The following PPP2R2C variants were observed in gnomAD, a reference collection of about 807,000 sequenced individuals.
PPP2R2C encodes the protein protein phosphatase 2, regulatory subunit B, gamma.
PPP2R2C carries 10 observed loss-of-function variants against 45.3 expected under a neutral mutation model. That is an observed-to-expected ratio of 0.22 (90% CI 0.14 to 0.37). PPP2R2C has a LOEUF of 0.37. Among genes scored for constraint, PPP2R2C ranks in the 10% least tolerant of loss-of-function variants. The pLI, the probability that PPP2R2C is intolerant of heterozygous loss-of-function variation, is 1.00. For synonymous variants in PPP2R2C, 257 were observed against 245.4 expected (o/e 1.05, Z -0.44); for missense variants, 308 against 619.7 (o/e 0.50, Z 5.34).
chr4:6,341,872 G>A (rs1048106391), intron 6 of PPP2R2C, among the ~76,000 whole-genome samples: 3 of 152,030 alleles, frequency 2.0e-5, no homozygotes, highest in East Asian at 1.9e-4. Flanking sequence ...GCCAGCTGAC[G>A]CCTTCATTTT....
intron 8 of PPP2R2C, 56 bp from the exon 9 acceptor site, chr4:6,323,649 A>C: frequency 1.4e-6 from 2 of 1,447,032 alleles, no homozygotes; most frequent in South Asian, 1.5e-5. Context: ...CTTCTCGAGA[A>C]ATAAGCCCAG....
chr4:6,474,755 G>A (rs1722079355), upstream of PPP2R2C, among the ~76,000 whole-genome samples: 2 of 109,902 alleles, frequency 1.8e-5, no homozygotes, highest in East Asian at 2.9e-4. Context: ...ACCACAAGCA[G>A]TGTCTGGGCT....
chr4:6,558,550 A>C (rs966886960), intron 1 of PPP2R2C, among the ~76,000 whole-genome samples: 4 of 152,128 alleles, frequency 2.6e-5, no homozygotes, highest in African/African-American at 9.7e-5. Flanking sequence ...TGAACTTCCC[A>C]ATACTCAGCC....
intron 1 of PPP2R2C, among the ~76,000 whole-genome samples, chr4:6,403,724 G>C (rs559902043): frequency 8.5e-5 from 13 of 152,124 alleles, no homozygotes; most frequent in Non-Finnish European, 1.9e-4. Context: ...TTAGCTGGGC[G>C]TGGTGGTGGG....
chr4:6,405,570 T>A (rs1321203409), intron 1 of PPP2R2C, among the ~76,000 whole-genome samples: 3 of 152,238 alleles, frequency 2.0e-5, no homozygotes, highest in Non-Finnish European at 2.9e-5. Context: ...AGCACTTTCA[T>A]TACTCTTTAT....
chr4:6,430,109 A>G (rs1719536794), intron 1 of PPP2R2C, among the ~76,000 whole-genome samples: 1 of 152,178 alleles, frequency 6.6e-6, no homozygotes. Flanking sequence ...TCCATTTAAG[A>G]AGTGGGCACA....
At chr4:6,498,115 C>T (rs1270653682) in intron 2 of PPP2R2C, among the ~76,000 whole-genome samples, 1 of 152,168 alleles carries the variant, frequency 6.6e-6, no homozygotes, top group Non-Finnish European at 1.5e-5. Context: ...TTGGGAGACA[C>T]GATCGTGCAA....
intron 5 of PPP2R2C, chr4:6,348,920 C>G: frequency 1.2e-6 from 1 of 847,612 alleles, no homozygotes; most frequent in Non-Finnish European, 1.4e-6. Context: ...AAGGCAGTAT[C>G]CCTGACTGTT....
At chr4:6,354,655 C>A (rs1195326324) in intron 5 of PPP2R2C, among the ~76,000 whole-genome samples, 1 of 149,686 alleles carries the variant, frequency 6.7e-6, no homozygotes, top group Non-Finnish European at 1.5e-5. Flanking sequence ...TGCCCCCCAC[C>A]CCCACCCCAA....
intron 1 of PPP2R2C, among the ~76,000 whole-genome samples, chr4:6,390,562 G>C (rs978644132): frequency 1.3e-5 from 2 of 152,246 alleles, no homozygotes; most frequent in Non-Finnish European, 2.9e-5. Flanking sequence ...GCGCATGGGA[G>C]GGGAAGCGCC....
chr4:6,421,047 C>G (rs935297470), intron 1 of PPP2R2C: 1 of 985,038 alleles, frequency 1.0e-6, no homozygotes, highest in African/African-American at 1.7e-5. Flanking sequence ...TTGTGTGCAC[C>G]CTTCTTCCTA....
At chr4:6,430,652 C>T (rs1455825636) in intron 1 of PPP2R2C, among the ~76,000 whole-genome samples, 1 of 152,142 alleles carries the variant, frequency 6.6e-6, no homozygotes, top group Admixed American at 6.5e-5. Context: ...CAGCCGGGCA[C>T]GGTGGCTCAC....
chr4:6,486,252 C>T (rs1034853777), intron 2 of PPP2R2C, among the ~76,000 whole-genome samples: 5 of 151,892 alleles, frequency 3.3e-5, no homozygotes, highest in Admixed American at 3.3e-4. Context: ...CTTTTTGTGA[C>T]TTGAGTCCCT....
intron 1 of PPP2R2C, among the ~76,000 whole-genome samples, chr4:6,396,860 G>A (rs995240503): frequency 3.3e-5 from 5 of 152,178 alleles, no homozygotes; most frequent in African/African-American, 1.2e-4. Flanking sequence ...TGATTTCCAT[G>A]CTACCCACAG....
At chr4:6,453,609 G>A (rs2108749100) in intron 1 of PPP2R2C, among the ~76,000 whole-genome samples, 1 of 152,148 alleles carries the variant, frequency 6.6e-6, no homozygotes, top group South Asian at 2.1e-4. Flanking sequence ...TGTGCACCGG[G>A]TCTGGGCCCA....
chr4:6,336,128 T>A (rs1459466101), intron 6 of PPP2R2C, among the ~76,000 whole-genome samples: 2 of 152,070 alleles, frequency 1.3e-5, no homozygotes, highest in Admixed American at 6.5e-5. Flanking sequence ...GGAATTAGAA[T>A]GCTATCAGGC....
intron 2 of PPP2R2C, among the ~76,000 whole-genome samples, chr4:6,482,567 C>T (rs1722391442): frequency 1.3e-5 from 2 of 152,280 alleles, no homozygotes; most frequent in South Asian, 2.1e-4. Flanking sequence ...AGTAGGAAGG[C>T]TATTGATTTC....
intron 5 of PPP2R2C, among the ~76,000 whole-genome samples, chr4:6,358,781 A>G (rs1054014464): frequency 2.6e-5 from 4 of 152,262 alleles, no homozygotes; most frequent in African/African-American, 9.6e-5. Context: ...AATGCAAATC[A>G]AAACCACAAT....
intron 1 of PPP2R2C, among the ~76,000 whole-genome samples, chr4:6,426,724 G>A (rs1719354411): frequency 2.0e-5 from 3 of 152,168 alleles, no homozygotes; most frequent in Admixed American, 2.0e-4. Flanking sequence ...GGGAAACGCA[G>A]GCTGGATGGG....
Sources: gnomAD v4.1 joint callset for allele counts (sites outside exome capture counted in the v4.1 genomes callset) on GRCh38, gnomAD v4.1.1 for gene constraint, MANE v1.5 for transcripts, NCBI Gene and HGNC (gene_info 2026-07-23, HGNC 2026-07-21) for gene names.